The following AGMO variants were observed in gnomAD, a reference collection of about 807,000 sequenced individuals.
The protein encoded by AGMO is alkylglycerol monooxygenase, also known as glyceryl-ether monooxygenase.
AGMO carries 75 observed loss-of-function variants against 60.2 expected under a neutral mutation model. The ratio of observed to expected loss-of-function variants is 1.25; its 90% confidence interval spans 1.03 to 1.51. The LOEUF is 1.51. Ranked by LOEUF, AGMO falls within the 40% of genes most tolerant of loss-of-function variation. AGMO has a pLI of 0.00. For synonymous variants in AGMO, 261 were observed against 177.1 expected (o/e 1.47, Z -3.76); for missense variants, 763 against 525.5 (o/e 1.45, Z -4.42).
At chr7:15,455,279 CT>C (rs1387163497) in intron 3 of AGMO, among the ~76,000 whole-genome samples, 1 of 152,012 alleles carries the variant, frequency 6.6e-6, no homozygotes, top group Non-Finnish European at 1.5e-5. Flanking sequence ...TGGTTTGTTT[CT>C]TCTCTACAAT....
intron 12 of AGMO, among the ~76,000 whole-genome samples, chr7:15,352,277 C>T (rs1416952151): frequency 1.3e-5 from 2 of 151,962 alleles, no homozygotes; most frequent in African/African-American, 2.4e-5. Context: ...CCCTACTTGT[C>T]CTGCCTATTT....
intron 10 of AGMO, among the ~76,000 whole-genome samples, chr7:15,366,942 A>G (rs6951090): frequency 0.57 from 86,006 of 151,842 alleles, 25,324 homozygotes; most frequent in African/African-American, 0.75. Flanking sequence ...TTAGATTTCT[A>G]ACTTGCAAAT....
the AGMO span, among the ~76,000 whole-genome samples, chr7:15,181,857 G>A: frequency 6.6e-6 from 1 of 152,088 alleles, no homozygotes; most frequent in Non-Finnish European, 1.5e-5. Context: ...GGTTTTTAAG[G>A]GTGGTGCAGA....
chr7:15,462,344 TA>T (rs1782164643), intron 3 of AGMO, among the ~76,000 whole-genome samples: 1 of 152,172 alleles, frequency 6.6e-6, no homozygotes, highest in Non-Finnish European at 1.5e-5. Context: ...AAAAATCTAA[TA>T]AAAGTTATTT....
At chr7:15,197,815 A>G (rs1488633668), downstream of AGMO, among the ~76,000 whole-genome samples, 2 of 152,206 alleles carry the variant, frequency 1.3e-5, no homozygotes, top group East Asian at 3.9e-4. Flanking sequence ...TAAACTCCTC[A>G]GCTTATACTT....
intron 5 of AGMO, among the ~76,000 whole-genome samples, chr7:15,410,765 G>T (rs1029986448): frequency 6.6e-6 from 1 of 151,914 alleles, no homozygotes; most frequent in African/African-American, 2.4e-5. Flanking sequence ...TGGCCTTAGG[G>T]ATTAAATTGC....
chr7:15,335,056 A>G lies in AGMO; in HGVS notation c.1263+30458T>C, dbSNP rs148256140. Among the ~76,000 whole-genome samples the G allele has an allele frequency of 1.8e-3, 272 of 152,266 alleles. 1 individual carries two copies. Among genetic ancestry groups the G allele is most frequent in the Middle Eastern group, 3.4e-3 (1 of 294 alleles). Reference sequence around the variant, plus strand: ...CAACCTGCCACAAAGGGAGACTCACATTTGTATGGCTTGGGAAGCCGTATT... The same window carrying G: ...CAACCTGCCACAAAGGGAGACTCACGTTTGTATGGCTTGGGAAGCCGTATT... On this transcript the variant is annotated intron_variant, in intron 12 of 12. Transcript: ENST00000342526.
intron 12 of AGMO, among the ~76,000 whole-genome samples, chr7:15,292,751 C>CTTTTTTTTT (rs765222435): frequency 9.5e-5 from 9 of 95,124 alleles, no homozygotes; most frequent in Non-Finnish European, 1.3e-4. Context: ...TTTTTTTTTC[C>CTTTTTTTTT]TTTTTTTTTT....
intron 10 of AGMO, among the ~76,000 whole-genome samples, chr7:15,368,774 A>C (rs1783086059): frequency 6.6e-6 from 1 of 152,130 alleles, no homozygotes. Context: ...AAACTCACAG[A>C]TGAAATAAGT....
chr7:15,299,836 C>T (rs1374393080), intron 12 of AGMO, among the ~76,000 whole-genome samples: 6 of 111,194 alleles, frequency 5.4e-5, no homozygotes, highest in Non-Finnish European at 5.4e-5. Context: ...TACATACACA[C>T]ACACACACAC....
At chr7:15,505,406 A>G (rs1187698084) in intron 3 of AGMO, among the ~76,000 whole-genome samples, 2 of 151,980 alleles carry the variant, frequency 1.3e-5, no homozygotes, top group Non-Finnish European at 2.9e-5. Flanking sequence ...TGCAGTCAAC[A>G]AGGCAGGAGA....
rs1243361518 is a variant in AGMO, at chr7:15,390,731, A to AT, written c.761dup (p.Asn254LysfsTer2). The AT allele has an allele frequency of 6.2e-7, 1 of 1,610,980 alleles. No individual in the cohort carries two copies. The highest frequency in any genetic ancestry group is 8.5e-7 in the Non-Finnish European group (1 of 1,178,134). ...GTGTTAAGCCATATACAACTTTTTC[A>AT]TTTTCTGCTTCAAATGTCCCTGGAA... On this transcript the variant is annotated frameshift_variant, in exon 8 of 13. Coordinates refer to ENST00000342526, the MANE Select transcript of AGMO (RefSeq NM_001004320.2). LOFTEE classifies it high-confidence loss of function.
At chr7:15,403,049 T>C (rs1784595165) in intron 5 of AGMO, among the ~76,000 whole-genome samples, 1 of 151,990 alleles carries the variant, frequency 6.6e-6, no homozygotes, top group Non-Finnish European at 1.5e-5. Context: ...CTTTTCCACA[T>C]AATTTTGTTT....
At chr7:15,248,590 G>C (rs568760479) in intron 12 of AGMO, among the ~76,000 whole-genome samples, 247 of 152,170 alleles carry the variant, frequency 1.6e-3, no homozygotes, top group Middle Eastern at 0.01. Flanking sequence ...CCTCAACCAA[G>C]TTCAGTGGTA....
the AGMO span, among the ~76,000 whole-genome samples, chr7:15,150,382 T>C: frequency 6.6e-6 from 1 of 152,042 alleles, no homozygotes; most frequent in Non-Finnish European, 1.5e-5. Flanking sequence ...GTCTTATTCC[T>C]GTTTTCTGGG....
intron 12 of AGMO, among the ~76,000 whole-genome samples, chr7:15,220,498 G>T (rs998978864): frequency 6.6e-6 from 1 of 151,700 alleles, no homozygotes; most frequent in East Asian, 1.9e-4. Flanking sequence ...GATTACAGGG[G>T]TGAGCCATCA....
chr7:15,431,762 C>T (rs4291163), intron 3 of AGMO, among the ~76,000 whole-genome samples: 78,006 of 151,442 alleles, frequency 0.52, 20,193 homozygotes, highest in Middle Eastern at 0.65. Context: ...ATAGTTTTAT[C>T]TGTGTTCATA....
chr7:15,519,845 A>G (rs1453996097), intron 3 of AGMO, among the ~76,000 whole-genome samples: 1 of 152,150 alleles, frequency 6.6e-6, no homozygotes, highest in African/African-American at 2.4e-5. Context: ...TGCCCCAATT[A>G]AAAGACACAG....
chr7:15,192,002 C>T, the AGMO span, among the ~76,000 whole-genome samples: 1 of 127,756 alleles, frequency 7.8e-6, no homozygotes. Context: ...CACACACACA[C>T]ACACAGAGAA....
Sources: gnomAD v4.1 joint callset for allele counts (sites outside exome capture counted in the v4.1 genomes callset) on GRCh38, gnomAD v4.1.1 for gene constraint, MANE v1.5 for transcripts, NCBI Gene and HGNC (gene_info 2026-07-23, HGNC 2026-07-21) for gene names.